MIP: variants seen among roughly 807,000 people sequenced by gnomAD.
MIP encodes lens fiber major intrinsic protein.
MIP carries 14 observed loss-of-function variants against 21.8 expected under a neutral mutation model. That is an observed-to-expected ratio of 0.64 (90% confidence interval 0.42 to 1.00). The LOEUF is 1.00. Ranked by LOEUF, MIP falls within the 50% of genes least tolerant of loss-of-function variation. MIP has a pLI of 0.00. For missense variants in MIP, 260 were observed against 333.5 expected (o/e 0.78, Z 1.72); for synonymous variants, 133 against 141.4 (o/e 0.94, Z 0.42).
chr12:56,454,016 G>A (rs1868713440), intron 1 of MIP, among the ~76,000 whole-genome samples: 1 of 152,218 alleles, frequency 6.6e-6, no homozygotes, highest in Admixed American at 6.5e-5. Context: ...AACCTGCAAG[G>A]AGTTGGAAGG....
chr12:56,454,215 G>A (rs1868719309), intron 1 of MIP, 39 bp downstream of exon 1: 1 of 1,613,272 alleles, frequency 6.2e-7, no homozygotes, highest in African/African-American at 1.3e-5. Context: ...TAGAGAGACA[G>A]GACACCAGGT....
rs1868737057 is a variant in MIP, at chr12:56,454,574, A to T, written c.40T>A (p.Phe14Ile). The T allele has an allele frequency of 6.2e-7, 1 of 1,614,154 alleles. No individual in the cohort carries two copies. The highest frequency in any genetic ancestry group is 8.5e-7 in the Non-Finnish European group (1 of 1,180,002). The change falls in exon 1 of 4, where the codon TTC becomes ATC. Residue 14 changes from phenylalanine (F) to isoleucine (I), a missense_variant. Transcript: ENST00000652304. ...AAGAGGGTGGCAAAGAACTCAGCGA[A>T]TATGGCCCTCCAAAAGGAGGCTGAT... ...LRSASFWRAI[F>I]AEFFATLFYV...
At chr12:56,455,983 G>A (rs1024455954), upstream of MIP, among the ~76,000 whole-genome samples, 2 of 152,140 alleles carry the variant, frequency 1.3e-5, no homozygotes, top group African/African-American at 4.8e-5. Flanking sequence ...TGAAGGTAGA[G>A]GGTCCATCTA....
upstream of MIP, among the ~76,000 whole-genome samples, chr12:56,456,406 G>A (rs911815946): frequency 2.2e-4 from 34 of 152,276 alleles, no homozygotes; most frequent in African/African-American, 7.7e-4. Flanking sequence ...GGAGGCCAAC[G>A]CGGGTGGATC....
chr12:56,453,193 C>T (rs1003214033), intron 2 of MIP, 41 bp from the exon 3 acceptor site: 1 of 1,408,806 alleles, frequency 7.1e-7, no homozygotes, highest in Non-Finnish European at 1.0e-6. Context: ...CCCCCTACTG[C>T]ACCCCAGCTT....
chr12:56,450,921 A>G lies in MIP; in HGVS notation c.*359T>C. 1 of 279,536 alleles carries G rather than the reference A, an allele frequency of 3.6e-6. No individual in the cohort carries two copies. The highest frequency in any genetic ancestry group is 9.8e-5 in the East Asian group (1 of 10,156). The allele number at this position is 279,536 out of a possible 1,614,324, so 17.3% of individuals were successfully genotyped here. A position where few individuals can be genotyped will look rare whatever the true frequency, so the allele number is the denominator to read the frequency against. Reference sequence around the variant, plus strand: ...CAGAAACTTAAGGTGTCGGTTACCCAGTACTCACCATACTGGGTCGAGGAA... The same window carrying G: ...CAGAAACTTAAGGTGTCGGTTACCCGGTACTCACCATACTGGGTCGAGGAA... On this transcript the variant is annotated 3_prime_UTR_variant, in exon 4 of 4. Transcript: ENST00000652304.
chr12:56,454,325 C>T lies in MIP; in HGVS notation c.289G>A (p.Ala97Thr). 1 of 1,613,852 alleles carries T rather than the reference C, an allele frequency of 6.2e-7. No individual in the cohort carries two copies. The highest frequency in any genetic ancestry group is 2.2e-5 in the East Asian group (1 of 44,884). Reference sequence around the variant, plus strand: ...TACAGCACAGCGGCCCCAGCCACAGCTCCCAGGAGCTGGGCTGCCATATAG... The same window carrying T: ...TACAGCACAGCGGCCCCAGCCACAGTTCCCAGGAGCTGGGCTGCCATATAG... ...FCYMAAQLLG[A>T]VAGAAVLYSV... Residue 97 changes from alanine (A) to threonine (T), a missense_variant, in exon 1 of 4, where the codon GCT becomes ACT. Physicochemically the swap from Ala to Thr is moderately conservative, Grantham distance 58. Transcript: ENST00000652304.
At chr12:56,453,187 C>T in intron 2 of MIP, 35 bp from the exon 3 acceptor site, 2 of 1,442,864 alleles carry the variant, frequency 1.4e-6, no homozygotes, top group Non-Finnish European at 9.8e-7. Flanking sequence ...AGACACCCCC[C>T]TACTGCACCC....
intron 3 of MIP, 137 bp downstream of exon 3, chr12:56,452,935 C>A (rs1371313825): frequency 1.4e-6 from 1 of 739,604 alleles, no homozygotes; most frequent in African/African-American, 1.7e-5. Context: ...GCATGCCAAA[C>A]TCTCTGACAG....
At position 56,453,658 on chromosome 12, in the gene MIP, C is replaced by T. The variant is rs779658566; in HGVS notation, c.458G>A (p.Arg153Gln). The T allele has an allele frequency of 1.4e-5, 22 of 1,614,098 alleles. No homozygotes were observed. The highest frequency in any genetic ancestry group is 1.6e-5 in the Non-Finnish European group (19 of 1,180,054). The change falls in exon 2 of 4, where the codon CGG becomes CAG. Residue 153 changes from arginine (R) to glutamine (Q), a missense_variant. Coordinates refer to ENST00000652304, the MANE Select transcript of MIP (RefSeq NM_012064.4). ...LCIFATYDERRNGQLGSVALA... is the reference protein window; with the variant it reads ...LCIFATYDERQNGQLGSVALA... ...GGCCACGGAGCCCAGTTGGCCATTC[C>T]GCCTCTCGTCGTATGTGGCAAAGAT...
In MIP at chr12:56,454,395, A is replaced by C. The variant is rs370988995; in HGVS notation, c.219T>G (p.Phe73Leu). 1.6e-5 allele frequency: 26 copies of C among 1,614,192 alleles called. No homozygotes were observed. Among genetic ancestry groups the C allele is most frequent in the Non-Finnish European group, 2.1e-5 (25 of 1,180,038 alleles). Residue 73 changes from phenylalanine to leucine, a missense_variant, in exon 1 of 4, where the codon TTT (phenylalanine) becomes TTG (leucine). Transcript: ENST00000652304. Reference sequence around the variant, plus strand: ...ACATCTGGGAGCCCACAAGGAAAGCAAAAGTGACTGCAGGATTGACGTGGG... The same window carrying C: ...ACATCTGGGAGCCCACAAGGAAAGCCAAAGTGACTGCAGGATTGACGTGGG... Reference protein sequence around the residue: ...SGAHVNPAVTFAFLVGSQMSL... With the variant: ...SGAHVNPAVTLAFLVGSQMSL...
upstream of MIP, among the ~76,000 whole-genome samples, chr12:56,454,961 G>T (rs1324509523): frequency 6.6e-6 from 1 of 152,110 alleles, no homozygotes; most frequent in African/African-American, 2.4e-5. Context: ...TCATTGTCCT[G>T]ATTGACATCA....
At position 56,454,130 on chromosome 12, in the gene MIP, A is replaced by G. The variant is rs903504658; in HGVS notation, c.360+124T>C. On this transcript the variant is annotated intron_variant, in intron 1 of 3. Transcript: ENST00000652304. ...CAATCCTCACCACTTCAACACACAC[A>G]TGCTCACACATGCACATATTGTCCC... The G allele has an allele frequency of 5.6e-5, 76 of 1,345,700 alleles. No homozygotes were observed. In the East Asian group the frequency reaches 9.2e-4, roughly 16 times the overall value. 83.4% of individuals were successfully genotyped at this position (1,345,700 alleles called of 1,614,324 possible). A position where few individuals can be genotyped will look rare whatever the true frequency, so the allele number is the denominator to read the frequency against.
In MIP at chr12:56,453,639, G is replaced by T; in HGVS notation, c.477C>A (p.Ser159=). Residue 159 remains serine, a synonymous_variant, in exon 2 of 4, where the codon TCC becomes TCA. Coordinates refer to ENST00000652304, the MANE Select transcript of MIP (RefSeq NM_012064.4). ...YDERRNGQLG[S]VALAVGFSLA... The stretch of plus-strand genomic sequence containing the variant: ...GGGAGAAGCCAACGGCCAGGGCCAC[G>T]GAGCCCAGTTGGCCATTCCGCCTCT... 2.5e-6 allele frequency: 4 copies of T among 1,614,240 alleles called. No homozygotes were observed. The highest frequency in any genetic ancestry group is 3.4e-6 in the Non-Finnish European group (4 of 1,180,046).
At chr12:56,451,558 T>C (rs1868619974) in intron 3 of MIP, 93 bp from the exon 4 acceptor site, 1 of 1,021,956 alleles carries the variant, frequency 9.8e-7, no homozygotes, top group Admixed American at 1.9e-5. Context: ...AAACAAGATA[T>C]TGTACACTTG....
rs746294878 is a variant in MIP at position 56,454,214 on chromosome 12, AG to A, written c.360+39del. 144 of 1,613,690 alleles carry A rather than the reference AG, an allele frequency of 8.9e-5. 1 individual carries two copies. The African/African-American group carries it at 1.8e-3, about 20-fold the overall frequency. ...CAGGGAGTCAGGGCAATAGAGAGACAGGACACCAGGTTCCCCATCCCCTCTC... is the reference window on the plus strand; with the variant it reads ...CAGGGAGTCAGGGCAATAGAGAGACAGACACCAGGTTCCCCATCCCCTCTC... On this transcript the variant is annotated intron_variant, in intron 1 of 3. Coordinates refer to ENST00000652304, the MANE Select transcript of MIP (RefSeq NM_012064.4).
upstream of MIP, among the ~76,000 whole-genome samples, chr12:56,456,470 C>T (rs573049574): frequency 1.3e-5 from 2 of 152,102 alleles, no homozygotes; most frequent in East Asian, 3.9e-4. Flanking sequence ...AACCCCGTCT[C>T]TACTAAAAAT....
upstream of MIP, among the ~76,000 whole-genome samples, chr12:56,455,641 T>C (rs748771690): frequency 2.9e-4 from 44 of 152,034 alleles, no homozygotes; most frequent in Admixed American, 9.8e-4. Context: ...AAAAGGATAA[T>C]ATGGGGAAGG....
chr12:56,453,031 C>G, intron 3 of MIP, 41 bp downstream of exon 3: 1 of 1,383,602 alleles, frequency 7.2e-7, no homozygotes, highest in Non-Finnish European at 1.0e-6. Context: ...CCACAACCAT[C>G]CAGAAGGGCT....
Sources: allele counts gnomAD v4.1 joint callset (sites outside exome capture counted in the v4.1 genomes callset), GRCh38; gene constraint gnomAD v4.1.1; transcripts MANE v1.5; gene names NCBI Gene and HGNC (gene_info 2026-07-23, HGNC 2026-07-21).